Variants in ELK4 observed in about 807,000 individuals in gnomAD.
ELK4 encodes the protein ETS domain-containing protein Elk-4.
A neutral mutation model predicts 29.6 loss-of-function variants in ELK4; 16 were observed. The ratio of observed to expected loss-of-function variants is 0.54; its 90% confidence interval spans 0.37 to 0.82. The LOEUF is 0.82. ELK4 is among the 40% of genes least tolerant of loss of function. ELK4 has a pLI of 0.00. For synonymous variants in ELK4, 213 were observed against 191.1 expected, an observed-to-expected ratio of 1.11 and a Z score of -0.95; for missense variants, 465 against 507.1, an observed-to-expected ratio of 0.92 and a Z score of 0.80.
rs1419177963 is a variant in ELK4, at chr1:205,623,889, G to A, written c.-7C>T. On this transcript the variant is annotated splice_region_variant and 5_prime_UTR_variant, in exon 2 of 5. Transcript: ENST00000357992. ...GGGTGATAGCACTGTCCATAGCAAT[G>A]AGCTGAAAGAATATAGATAAGATAT... The A allele has an allele frequency of 1.2e-6, 2 of 1,613,738 alleles. No individual in the cohort carries two copies. Among genetic ancestry groups the A allele is most frequent in the Non-Finnish European group, 1.7e-6 (2 of 1,179,720 alleles).
At chr1:205,623,293 T>C (rs1226518087) in intron 2 of ELK4, among the ~76,000 whole-genome samples, 1 of 150,928 alleles carries the variant, frequency 6.6e-6, no homozygotes, top group Non-Finnish European at 1.5e-5. Flanking sequence ...ATCTATAACC[T>C]CAACAGAAAA....
At chr1:205,617,965 ATG>A (rs71773934) in intron 4 of ELK4, among the ~76,000 whole-genome samples, 11,702 of 147,512 alleles carry the variant, frequency 0.079, 761 homozygotes, top group East Asian at 0.25. Context: ...TCCCCCATAT[ATG>A]TGTGTGTGTG....
intron 4 of ELK4, among the ~76,000 whole-genome samples, chr1:205,618,119 G>A (rs961570700): frequency 6.6e-6 from 1 of 151,988 alleles, no homozygotes; most frequent in South Asian, 2.1e-4. Context: ...TTGATCTACT[G>A]GGCTCAAGCG....
chr1:205,629,369 A>G (rs1036398523), intron 1 of ELK4, among the ~76,000 whole-genome samples: 6 of 151,840 alleles, frequency 4.0e-5, no homozygotes, highest in Non-Finnish European at 7.4e-5. Flanking sequence ...TTAAGTCAAA[A>G]CTCTTCATTT....
At chr1:205,624,315 AG>A (rs1218661734) in intron 1 of ELK4, among the ~76,000 whole-genome samples, 3 of 152,216 alleles carry the variant, frequency 2.0e-5, no homozygotes, top group Non-Finnish European at 4.4e-5. Flanking sequence ...GTATTCTCTC[AG>A]GAGACCACCA....
In ELK4 at chr1:205,608,911, C is replaced by T. The variant is rs898296256; in HGVS notation, c.*7635G>A. Reference sequence around the variant, plus strand: ...ATAACATATCTCTCCTGTGTTAACACTGATGGAGACGCACTGCAATAGTCC... The same window carrying T: ...ATAACATATCTCTCCTGTGTTAACATTGATGGAGACGCACTGCAATAGTCC... On this transcript the variant is annotated 3_prime_UTR_variant, in exon 5 of 5. Coordinates refer to ENST00000357992, the MANE Select transcript of ELK4 (RefSeq NM_001973.4). The T allele has an allele frequency of 1.0e-5, 2 of 193,276 alleles. No individual in the cohort carries two copies. Among genetic ancestry groups the T allele is most frequent in the Admixed American group, 1.2e-4 (2 of 16,356 alleles). 12.0% of individuals were successfully genotyped at this position (193,276 alleles called of 1,614,324 possible).
At chr1:205,619,944 C>A in intron 3 of ELK4, 22 bp downstream of exon 3, 2 of 1,614,078 alleles carry the variant, frequency 1.2e-6, no homozygotes, top group Non-Finnish European at 1.7e-6. Flanking sequence ...AATGGTGACA[C>A]CATAAAGAGC....
rs1670598298 is a variant in ELK4, at chr1:205,631,810, C to T, written c.-188G>A. The T allele has an allele frequency of 6.5e-6, 1 of 152,870 alleles. No homozygotes were observed. Among genetic ancestry groups the T allele is most frequent in the South Asian group, 2.0e-4 (1 of 5,010 alleles). The allele number at this position is 152,870 out of a possible 1,614,324, so 9.5% of individuals were successfully genotyped here. On this transcript the variant is annotated 5_prime_UTR_variant, in exon 1 of 5. Transcript: ENST00000357992. ...GAGCCCGCCGGGTGCCCGCAGCCGC[C>T]CGCATCTCCCGCCGCCGCGGCTCCT...
rs1162287722 is a variant in ELK4, at chr1:205,613,000, T to C, written c.*3546A>G. ...ACTCTAAGAAGCTTACGGTTGACCTTTCAAGGGCCTCTAATTCTTTTTTTT... is the reference window on the plus strand; with the variant it reads ...ACTCTAAGAAGCTTACGGTTGACCTCTCAAGGGCCTCTAATTCTTTTTTTT... On this transcript the variant is annotated 3_prime_UTR_variant, in exon 5 of 5. Transcript: ENST00000357992. 1 of 208,632 alleles carries C rather than the reference T, an allele frequency of 4.8e-6. No individual in the cohort carries two copies. Among genetic ancestry groups the C allele is most frequent in the African/African-American group, 2.3e-5 (1 of 43,698 alleles). The allele number at this position is 208,632 out of a possible 1,614,324, so 12.9% of individuals were successfully genotyped here.
chr1:205,616,673 T>C, intron 4 of ELK4, 29 bp from the exon 5 acceptor site: 2 of 1,592,606 alleles, frequency 1.3e-6, no homozygotes, highest in South Asian at 2.2e-5. Flanking sequence ...CACATTATCA[T>C]CCTATTACTC....
chr1:205,620,965 G>C, intron 2 of ELK4, 127 bp from the exon 3 acceptor site: 1 of 1,063,180 alleles, frequency 9.4e-7, no homozygotes, highest in South Asian at 1.7e-5. Context: ...GGAAGGCCGA[G>C]GAGGGCGGAT....
chr1:205,629,170 C>CAAAAAAAAAAAAAAAAAAA (rs61374496), intron 1 of ELK4, among the ~76,000 whole-genome samples: 8 of 92,276 alleles, frequency 8.7e-5, no homozygotes, highest in East Asian at 3.3e-4. Flanking sequence ...GACTACGTCT[C>CAAAAAAAAAAAAAAAAAAA]AAAAAAAAAA....
rs1157462027 is a variant in ELK4, at chr1:205,631,680, C to T, written c.-58G>A. The T allele has an allele frequency of 5.8e-6, 2 of 345,014 alleles. No individual in the cohort carries two copies. The highest frequency in any genetic ancestry group is 1.2e-5 in the Non-Finnish European group (2 of 167,640). The allele number at this position is 345,014 out of a possible 1,614,324, so 21.4% of individuals were successfully genotyped here. A position where few individuals can be genotyped will look rare whatever the true frequency, so the allele number is the denominator to read the frequency against. On this transcript the variant is annotated 5_prime_UTR_variant, in exon 1 of 5. Coordinates refer to ENST00000357992, the MANE Select transcript of ELK4 (RefSeq NM_001973.4). ...CTCGGTCTCCGCCTCGAACACGATG[C>T]GCCTCTCCGCCCTCAGCCTCCTCCT...
At position 205,623,316 on chromosome 1, in the gene ELK4, T is replaced by TC. The variant is rs201550856; in HGVS notation, c.207+359_207+360insG. 4.3e-4 allele frequency among the ~76,000 whole-genome samples: 65 copies of TC among 149,888 alleles called. 1 individual carries two copies. In the South Asian group the frequency reaches 9.9e-3, roughly 23 times the overall value. ...CCTCAACAGAAAACAAGGAATCTTT[T>TC]TTTTTTTTTTTTTGAGACGGAGTCT... On this transcript the variant is annotated intron_variant, in intron 2 of 4. Coordinates refer to ENST00000357992, the MANE Select transcript of ELK4 (RefSeq NM_001973.4).
chr1:205,625,312 G>C (rs1288710151), intron 1 of ELK4, among the ~76,000 whole-genome samples: 1 of 149,292 alleles, frequency 6.7e-6, no homozygotes, highest in Non-Finnish European at 1.5e-5. Context: ...AAAAAGCAAA[G>C]AATTTGAAAA....
chr1:205,618,764 AGT>A (rs1484313824), intron 4 of ELK4, among the ~76,000 whole-genome samples, 191 bp downstream of exon 4: 1 of 152,208 alleles, frequency 6.6e-6, no homozygotes, highest in Non-Finnish European at 1.5e-5. Context: ...TGCAGGTTGC[AGT>A]GAGCTGAGAT....
intron 1 of ELK4, among the ~76,000 whole-genome samples, chr1:205,627,156 G>A (rs1415846866): frequency 6.6e-6 from 1 of 152,188 alleles, no homozygotes; most frequent in East Asian, 1.9e-4. Flanking sequence ...AAAATGCGGG[G>A]AAGAGAAGTG....
Position 205,619,549 on chromosome 1 carries a change from A to G in ELK4, c.1080+417T>C, listed in dbSNP as rs901076376. The G allele has an allele frequency of 1.3e-5, 15 of 1,139,534 alleles. No homozygotes were observed. In the African/African-American group the frequency reaches 2.2e-4, roughly 17 times the overall value. The allele number at this position is 1,139,534 out of a possible 1,614,324, so 70.6% of individuals were successfully genotyped here. A position where few individuals can be genotyped will look rare whatever the true frequency, so the allele number is the denominator to read the frequency against. ...AGATGAGCAAGTTAATAAATAGCTAAAGTAACTGTACCAACTTGTTACTCA... is the reference window on the plus strand; with the variant it reads ...AGATGAGCAAGTTAATAAATAGCTAGAGTAACTGTACCAACTTGTTACTCA... On this transcript the variant is annotated intron_variant, in intron 3 of 4. Coordinates refer to ENST00000357992, the MANE Select transcript of ELK4 (RefSeq NM_001973.4).
Position 205,609,245 on chromosome 1 carries a change from C to A in ELK4, c.*7301G>T. On this transcript the variant is annotated 3_prime_UTR_variant, in exon 5 of 5. Coordinates refer to ENST00000357992, the MANE Select transcript of ELK4 (RefSeq NM_001973.4). ...AAAGTTACATACCCTTATTTTTTAG[C>A]CAATTTGATTATTTGGTAAAGCAAG... 5.3e-6 allele frequency: 1 copy of A among 187,850 alleles called. No homozygotes were observed. The highest frequency in any genetic ancestry group is 8.5e-5 in the East Asian group (1 of 11,710). 11.6% of individuals were successfully genotyped at this position (187,850 alleles called of 1,614,324 possible).
Sources: gnomAD v4.1 joint callset for allele counts (sites outside exome capture counted in the v4.1 genomes callset) on GRCh38, gnomAD v4.1.1 for gene constraint, MANE v1.5 for transcripts, NCBI Gene and HGNC (gene_info 2026-07-23, HGNC 2026-07-21) for gene names.